SRGAP1: variants seen among roughly 807,000 people sequenced by gnomAD.
The protein encoded by SRGAP1 is SLIT-ROBO Rho GTPase activating protein 1, also known as SLIT-ROBO Rho GTPase-activating protein 1.
Under a neutral mutation model 121.9 loss-of-function variants are expected in SRGAP1, and 43 were observed. The ratio of observed to expected loss-of-function variants is 0.35; its 90% confidence interval spans 0.28 to 0.46. The LOEUF (loss-of-function observed/expected upper bound fraction) is 0.46, where lower values mean the gene tolerates loss of function less well. Among genes scored for constraint, SRGAP1 ranks in the 20% least tolerant of loss-of-function variants. The pLI is 1.00. For synonymous variants in SRGAP1, 447 were observed against 485.4 expected (o/e 0.92, Z 1.04); for missense variants, 1,102 against 1,350.9 (o/e 0.82, Z 2.89).
chr12:63,928,711 A>G (rs1002767595), intron 1 of SRGAP1, among the ~76,000 whole-genome samples: 6 of 152,016 alleles, frequency 3.9e-5, no homozygotes, highest in Non-Finnish European at 8.8e-5. Context: ...TTATAGTCAA[A>G]TAATTATACA....
intron 4 of SRGAP1, among the ~76,000 whole-genome samples, chr12:64,037,948 G>T (rs910184635): frequency 6.6e-6 from 1 of 152,146 alleles, no homozygotes; most frequent in African/African-American, 2.4e-5. Context: ...AAGAGTGACT[G>T]TATCCCTTAG....
At chr12:63,907,919 G>A (rs2030296728) in intron 1 of SRGAP1, among the ~76,000 whole-genome samples, 1 of 152,102 alleles carries the variant, frequency 6.6e-6, no homozygotes, top group Non-Finnish European at 1.5e-5. Context: ...TTTTTTGCAT[G>A]TGGATATCCA....
At chr12:64,086,950 A>C (rs958805031) in intron 10 of SRGAP1, 49 bp from the exon 11 acceptor site, 37 of 1,442,140 alleles carry the variant, frequency 2.6e-5, no homozygotes, top group Non-Finnish European at 3.5e-5. Context: ...TACCACATAC[A>C]CTCTGCTGAT....
At chr12:63,935,160 T>C (rs2031622444) in intron 1 of SRGAP1, among the ~76,000 whole-genome samples, 1 of 152,014 alleles carries the variant, frequency 6.6e-6, no homozygotes, top group Non-Finnish European at 1.5e-5. Context: ...ACAGTAGATG[T>C]TCAAAAAGTA....
chr12:64,094,854 GT>G, intron 12 of SRGAP1, 77 bp from the exon 13 acceptor site: 1 of 1,359,640 alleles, frequency 7.4e-7, no homozygotes, highest in Non-Finnish European at 1.0e-6. Context: ...TTTAATTACT[GT>G]TAAACTCTAA....
intron 3 of SRGAP1, among the ~76,000 whole-genome samples, chr12:64,007,726 C>G (rs1393959113): frequency 6.6e-6 from 1 of 152,156 alleles, no homozygotes; most frequent in African/African-American, 2.4e-5. Flanking sequence ...TAAGTAGAGA[C>G]AGGTTTACTT....
chr12:63,929,156 TA>T (rs1256144408), intron 1 of SRGAP1, among the ~76,000 whole-genome samples: 2 of 152,188 alleles, frequency 1.3e-5, no homozygotes, highest in African/African-American at 4.8e-5. Flanking sequence ...GTCTTTACTG[TA>T]GGTAAATTAC....
At chr12:63,888,140 C>A (rs543454996) in intron 1 of SRGAP1, 4 of 152,360 alleles carry the variant, frequency 2.6e-5, no homozygotes, top group Admixed American at 1.3e-4. Context: ...CTCCTGGCTT[C>A]TCTTGCTGCT....
chr12:64,050,857 G>A (rs1297276809), intron 6 of SRGAP1, among the ~76,000 whole-genome samples: 3 of 152,272 alleles, frequency 2.0e-5, no homozygotes, highest in South Asian at 4.1e-4. Flanking sequence ...AAGTAGCTGG[G>A]ATTACAGGTA....
At chr12:64,065,398 G>A (rs2136540309) in intron 8 of SRGAP1, among the ~76,000 whole-genome samples, 179 bp downstream of exon 8, 2 of 152,194 alleles carry the variant, frequency 1.3e-5, no homozygotes, top group South Asian at 4.1e-4. Flanking sequence ...TCTGTATTCT[G>A]CCATAGATTA....
chr12:63,862,315 G>A (rs1262273957), intron 1 of SRGAP1, among the ~76,000 whole-genome samples: 1 of 152,056 alleles, frequency 6.6e-6, no homozygotes, highest in African/African-American at 2.4e-5. Context: ...TAGGCCCTGC[G>A]GGGGAGGTGC....
At chr12:63,872,705 T>C (rs1899895391) in intron 1 of SRGAP1, among the ~76,000 whole-genome samples, 1 of 152,362 alleles carries the variant, frequency 6.6e-6, no homozygotes, top group Admixed American at 6.5e-5. Flanking sequence ...TTTGTTTTTT[T>C]ATTGGGCCCT....
chr12:63,879,446 T>G (rs956686008), intron 1 of SRGAP1: 3 of 152,188 alleles, frequency 2.0e-5, no homozygotes, highest in Non-Finnish European at 4.4e-5. Flanking sequence ...ACTGATGCTT[T>G]TATAAAGTAC....
At chr12:64,089,408 C>T (rs1175362752) in intron 11 of SRGAP1, among the ~76,000 whole-genome samples, 1 of 152,314 alleles carries the variant, frequency 6.6e-6, no homozygotes, top group East Asian at 1.9e-4. Flanking sequence ...TCTGTGGCCT[C>T]CCTGGTGGTG....
chr12:64,071,695 G>C (rs958894040), intron 8 of SRGAP1, among the ~76,000 whole-genome samples: 1 of 152,190 alleles, frequency 6.6e-6, no homozygotes, highest in African/African-American at 2.4e-5. Flanking sequence ...ACTTTGTTCT[G>C]AGAGTCCTGA....
chr12:64,083,228 A>G (rs1322453992), intron 10 of SRGAP1, among the ~76,000 whole-genome samples: 1 of 152,160 alleles, frequency 6.6e-6, no homozygotes, highest in Non-Finnish European at 1.5e-5. Context: ...ACAGGATTCA[A>G]TGGTTATGTT....
In SRGAP1 at chr12:64,128,046, G is replaced by A. The variant is rs202205206; in HGVS notation, c.2726G>A (p.Arg909Gln). ...GGCCTCAACAATGACAGTCCTGAGC[G>A]GAGGCGCAGGCCTGGCCATGGCAGC... ...NRGLNNDSPE[R>Q]RRRPGHGSLT... Residue 909 changes from arginine (R) to glutamine (Q), a missense_variant, in exon 21 of 22, where the codon CGG (arginine) becomes CAG (glutamine). By Grantham distance (43) the Arg-to-Gln change is conservative. Transcript: ENST00000355086. 3.0e-5 allele frequency: 48 copies of A among 1,614,124 alleles called. No homozygotes were observed. Among genetic ancestry groups the A allele is most frequent in the Middle Eastern group, 3.3e-4 (2 of 6,062 alleles).
chr12:64,048,407 G>A (rs535585368), intron 6 of SRGAP1, among the ~76,000 whole-genome samples: 1 of 152,158 alleles, frequency 6.6e-6, no homozygotes, highest in African/African-American at 2.4e-5. Flanking sequence ...ATCTATTGAT[G>A]GGCACTTCAG....
At chr12:64,046,439 T>C (rs1308153419) in intron 6 of SRGAP1, among the ~76,000 whole-genome samples, 1 of 151,950 alleles carries the variant, frequency 6.6e-6, no homozygotes, top group Non-Finnish European at 1.5e-5. Flanking sequence ...GCAAGAGTCT[T>C]TGTGGTTGCC....
Sources: gnomAD v4.1 joint callset for allele counts (sites outside exome capture counted in the v4.1 genomes callset) on GRCh38, gnomAD v4.1.1 for gene constraint, MANE v1.5 for transcripts, NCBI Gene and HGNC (gene_info 2026-07-23, HGNC 2026-07-21) for gene names.